UNC5D: variants seen among roughly 807,000 people sequenced by gnomAD.
The protein encoded by UNC5D is unc-5 netrin receptor D.
A neutral mutation model predicts 105.4 loss-of-function variants in UNC5D; 39 were observed. The observed-to-expected ratio is 0.37, with a 90% CI of 0.29 to 0.48. The LOEUF (loss-of-function observed/expected upper bound fraction) is 0.48, where lower values mean the gene tolerates loss of function less well. Among genes scored for constraint, UNC5D ranks in the 20% least tolerant of loss-of-function variants. The pLI is 0.98. For synonymous variants in UNC5D, 452 were observed against 450.4 expected (o/e 1.00, Z -0.04); for missense variants, 991 against 1,202.4 (o/e 0.82, Z 2.60).
chr8:35,288,112 T>C lies in UNC5D; in HGVS notation c.103+52225T>C, dbSNP rs1281315956. ...AGATAATCTCATGGAAGCTCAGAGG[T>C]TGCCAATCAAATTGAACCCAAAGAG... On this transcript the variant is annotated intron_variant, in intron 1 of 16. Coordinates refer to ENST00000404895, the MANE Select transcript of UNC5D (RefSeq NM_080872.4). 2.0e-5 allele frequency among the ~76,000 whole-genome samples: 3 copies of C among 151,286 alleles called. No individual in the cohort carries two copies. The East Asian group carries it at 5.9e-4, about 30-fold the overall frequency.
At chr8:35,502,336 T>C (rs1420417713) in intron 1 of UNC5D, among the ~76,000 whole-genome samples, 1 of 152,176 alleles carries the variant, frequency 6.6e-6, no homozygotes, top group Non-Finnish European at 1.5e-5. Flanking sequence ...GTAGGTGCTA[T>C]TCAGATCTAA....
At chr8:35,608,884 A>C (rs939311820) in intron 4 of UNC5D, among the ~76,000 whole-genome samples, 1 of 152,076 alleles carries the variant, frequency 6.6e-6, no homozygotes, top group South Asian at 2.1e-4. Flanking sequence ...ATGTGAGTAC[A>C]TGTATCTATT....
At chr8:35,351,070 G>A (rs549923739) in intron 1 of UNC5D, among the ~76,000 whole-genome samples, 62 of 152,168 alleles carry the variant, frequency 4.1e-4, no homozygotes, top group Non-Finnish European at 8.1e-4. Flanking sequence ...GTGTGTGAGA[G>A]AGAGTTGGTA....
chr8:35,359,796 A>T (rs996050639), intron 1 of UNC5D, among the ~76,000 whole-genome samples: 1 of 152,168 alleles, frequency 6.6e-6, no homozygotes, highest in Non-Finnish European at 1.5e-5. Flanking sequence ...ATGAATACTG[A>T]TTATCATTAT....
At position 35,726,211 on chromosome 8, in the gene UNC5D, A is replaced by T. The variant is rs948785076; in HGVS notation, c.1363A>T (p.Ser455Cys). The T allele has an allele frequency of 1.9e-6, 3 of 1,614,044 alleles. No homozygotes were observed. Among genetic ancestry groups the T allele is most frequent in the Non-Finnish European group, 2.5e-6 (3 of 1,180,018 alleles). Residue 455 changes from serine (S) to cysteine (C), a missense_variant, in exon 10 of 17, where the codon AGC becomes TGC. Physicochemically the swap from Ser to Cys is moderately radical, Grantham distance 112 (BLOSUM62 -1). This residue lies in a region of UNC5D where 944 missense variants were observed against 1,131.6 expected (regional missense o/e 0.83). Transcript: ENST00000404895. ...AGATCTGACAGTGAGCCGGACATAC[A>T]GCGGACCCATCTGTCTGCAGGACCC... is the stretch of plus-strand genomic sequence containing the variant. ...QPDLTVSRTYSGPICLQDPLD... is the reference protein window; with the variant it reads ...QPDLTVSRTYCGPICLQDPLD...
intron 1 of UNC5D, chr8:35,254,531 A>T (rs1803943418): frequency 6.6e-6 from 1 of 152,188 alleles, no homozygotes; most frequent in African/African-American, 2.4e-5. Context: ...AGACCATTAC[A>T]CTTACTGAGT....
intron 1 of UNC5D, among the ~76,000 whole-genome samples, chr8:35,468,807 G>A (rs1315078131): frequency 6.6e-6 from 1 of 152,178 alleles, no homozygotes; most frequent in African/African-American, 2.4e-5. Context: ...TGGCAAAGAA[G>A]GTGTGATTTC....
intron 1 of UNC5D, among the ~76,000 whole-genome samples, chr8:35,296,776 A>G (rs1432768138): frequency 1.3e-5 from 2 of 152,104 alleles, no homozygotes; most frequent in African/African-American, 2.4e-5. Context: ...CTTTGAATTT[A>G]TTTTAAAATA....
At chr8:35,336,950 G>C (rs945511132) in intron 1 of UNC5D, among the ~76,000 whole-genome samples, 1 of 152,016 alleles carries the variant, frequency 6.6e-6, no homozygotes, top group Non-Finnish European at 1.5e-5. Context: ...GCGAGCAGTT[G>C]CTATCTTATA....
chr8:35,601,603 C>G lies in UNC5D; in HGVS notation c.570+5946C>G, dbSNP rs10111763. On this transcript the variant is annotated intron_variant, in intron 4 of 16. Transcript: ENST00000404895. ...ACTCATGATTTGGCTCTCTGTTTGTCTGTTATTGGTGTATAAGAATGCTTG... is the reference window on the plus strand; with the variant it reads ...ACTCATGATTTGGCTCTCTGTTTGTGTGTTATTGGTGTATAAGAATGCTTG... 6.3e-3 allele frequency among the ~76,000 whole-genome samples: 955 copies of G among 152,178 alleles called. 8 individuals are homozygous for G. The highest frequency in any genetic ancestry group is 0.021 in the African/African-American group (854 of 41,506).
chr8:35,365,653 C>G (rs995557980), intron 1 of UNC5D, among the ~76,000 whole-genome samples: 1 of 143,450 alleles, frequency 7.0e-6, no homozygotes, highest in Non-Finnish European at 1.5e-5. Context: ...TGGTCACTTG[C>G]AGGCAGAGGA....
chr8:35,258,723 G>A (rs930541042), intron 1 of UNC5D, among the ~76,000 whole-genome samples: 1 of 152,192 alleles, frequency 6.6e-6, no homozygotes, highest in Non-Finnish European at 1.5e-5. Context: ...AGCGACTATA[G>A]CTGCCATCAA....
intron 4 of UNC5D, among the ~76,000 whole-genome samples, chr8:35,669,827 C>G (rs1824662852): frequency 6.6e-6 from 1 of 152,006 alleles, no homozygotes; most frequent in East Asian, 1.9e-4. Flanking sequence ...AAAAAAAATC[C>G]AAGTCCAGTT....
intron 1 of UNC5D, among the ~76,000 whole-genome samples, chr8:35,244,202 G>T (rs539201357): frequency 2.6e-5 from 4 of 152,244 alleles, no homozygotes; most frequent in South Asian, 2.1e-4. Flanking sequence ...GAGATTTTTT[G>T]ACCAAAGTCG....
At chr8:35,247,131 A>G (rs1041755012) in intron 1 of UNC5D, among the ~76,000 whole-genome samples, 1 of 152,070 alleles carries the variant, frequency 6.6e-6, no homozygotes, top group Middle Eastern at 3.2e-3. Context: ...TATAATAACA[A>G]AAGTAATCAA....
chr8:35,652,660 C>G (rs1823493275), intron 4 of UNC5D, among the ~76,000 whole-genome samples: 1 of 151,622 alleles, frequency 6.6e-6, no homozygotes, highest in African/African-American at 2.4e-5. Context: ...TCACTCCACC[C>G]CTAAAATTTT....
chr8:35,420,394 C>T (rs1166445574), intron 1 of UNC5D, among the ~76,000 whole-genome samples: 1 of 152,164 alleles, frequency 6.6e-6, no homozygotes, highest in Non-Finnish European at 1.5e-5. Context: ...GTTTTCTCTT[C>T]CTATTTCTTT....
At chr8:35,260,637 G>C (rs972310267) in intron 1 of UNC5D, among the ~76,000 whole-genome samples, 1 of 152,088 alleles carries the variant, frequency 6.6e-6, no homozygotes, top group Admixed American at 6.6e-5. Flanking sequence ...CTAATTGTTT[G>C]TATTTTAGTA....
intron 4 of UNC5D, among the ~76,000 whole-genome samples, chr8:35,623,032 T>A (rs1212915166): frequency 1.3e-5 from 2 of 152,192 alleles, no homozygotes; most frequent in South Asian, 4.1e-4. Flanking sequence ...TCATTGCAAG[T>A]GCTCTGTACC....
Sources: gnomAD v4.1 joint callset for allele counts (sites outside exome capture counted in the v4.1 genomes callset) on GRCh38, gnomAD v4.1.1 for gene constraint, gnomAD v4.1.1 regional missense constraint, MANE v1.5 for transcripts, NCBI Gene and HGNC (gene_info 2026-07-23, HGNC 2026-07-21) for gene names.